Variants in SGIP1 observed in about 807,000 individuals in gnomAD.
The protein encoded by SGIP1 is SH3-containing GRB2-like protein 3-interacting protein 1.
A neutral mutation model predicts 107.5 loss-of-function variants in SGIP1; 38 were observed. That is an observed-to-expected ratio of 0.35 (90% CI 0.27 to 0.46). The LOEUF is 0.46. Ranked by LOEUF, SGIP1 falls within the 20% of genes least tolerant of loss-of-function variation. SGIP1 has a pLI of 1.00. For synonymous variants in SGIP1, 365 were observed against 366.1 expected (o/e 1.00, Z 0.03); for missense variants, 929 against 1,019.5 (o/e 0.91, Z 1.21).
intron 1 of SGIP1, among the ~76,000 whole-genome samples, chr1:66,607,426 T>C (rs2067073091): frequency 1.3e-5 from 2 of 152,206 alleles, no homozygotes; most frequent in Admixed American, 6.5e-5. Context: ...TGGCCCACCA[T>C]TGGCCACTAG....
intron 21 of SGIP1, among the ~76,000 whole-genome samples, chr1:66,737,050 C>T (rs1319262249): frequency 6.6e-6 from 1 of 151,934 alleles, no homozygotes. Flanking sequence ...TAACTTCTTC[C>T]CAAAATATTT....
chr1:66,603,731 C>A (rs2066299992), intron 1 of SGIP1, among the ~76,000 whole-genome samples: 1 of 152,096 alleles, frequency 6.6e-6, no homozygotes. Flanking sequence ...GAAAAAGAGA[C>A]CAATCTAAGT....
intron 1 of SGIP1, among the ~76,000 whole-genome samples, chr1:66,567,617 T>C (rs1181017727): frequency 1.3e-5 from 2 of 152,182 alleles, no homozygotes; most frequent in Non-Finnish European, 2.9e-5. Context: ...GGTTTTCTTC[T>C]AGGGTTTTTA....
At chr1:66,589,319 C>A (rs1189244952) in intron 1 of SGIP1, among the ~76,000 whole-genome samples, 2 of 148,542 alleles carry the variant, frequency 1.3e-5, no homozygotes, top group African/African-American at 5.0e-5. Flanking sequence ...AGGCTAAGAC[C>A]TGCCTATTTT....
rs2094607259 is a variant in SGIP1 at position 66,750,228 on chromosome 1, A to C, written c.*7133A>C. 6.6e-6 allele frequency among the ~76,000 whole-genome samples: 1 copy of C among 152,200 alleles called. No homozygotes were observed. The highest frequency in any genetic ancestry group is 2.1e-4 in the South Asian group (1 of 4,830). On this transcript the variant is annotated 3_prime_UTR_variant, in exon 25 of 25. Coordinates refer to ENST00000371037, the MANE Select transcript of SGIP1 (RefSeq NM_032291.4). Reference sequence around the variant, plus strand: ...TACAGCTGGCTTTTTAAGCTGTTTGAACACTATTGTTTTCGATTAAAAAGA... The same window carrying C: ...TACAGCTGGCTTTTTAAGCTGTTTGCACACTATTGTTTTCGATTAAAAAGA...
chr1:66,706,967 A>G (rs1007132978), intron 18 of SGIP1, among the ~76,000 whole-genome samples: 1 of 152,164 alleles, frequency 6.6e-6, no homozygotes, highest in African/African-American at 2.4e-5. Flanking sequence ...CAAATATGGG[A>G]AAGTATAAAT....
Position 66,739,360 on chromosome 1 carries a change from C to T in SGIP1, c.2057C>T (p.Thr686Ile), listed in dbSNP as rs1174327813. Reference sequence around the variant, plus strand: ...GTGTCTGCCCAGGGCATTCAGTCCACACCTCTGAACCTGGCAGTGAATTGG... The same window carrying T: ...GTGTCTGCCCAGGGCATTCAGTCCATACCTCTGAACCTGGCAGTGAATTGG... The part of the protein sequence containing the change: ...YQVSAQGIQS[T>I]PLNLAVNWRC... The change falls in exon 22 of 25, where the codon ACA (threonine) becomes ATA (isoleucine). Residue 686 changes from threonine (T) to isoleucine (I), a missense_variant. Physicochemically the swap from Thr to Ile is moderately conservative, Grantham distance 89 (BLOSUM62 -1). Around this residue, in one of 2 missense-constraint regions of SGIP1, gnomAD observed 341 missense variants for 430.9 expected, o/e 0.79. Transcript: ENST00000371037. 6.2e-6 allele frequency: 10 copies of T among 1,607,654 alleles called. No homozygotes were observed. The African/African-American group carries it at 1.0e-4, about 16-fold the overall frequency.
At chr1:66,695,200 C>T (rs549542472) in intron 17 of SGIP1, 3 of 794,446 alleles carry the variant, frequency 3.8e-6, no homozygotes, top group East Asian at 5.5e-5. Context: ...ACCACCAACA[C>T]ATTCCCATTC....
At chr1:66,630,953 A>G (rs2074408371) in intron 2 of SGIP1, among the ~76,000 whole-genome samples, 2 of 95,334 alleles carry the variant, frequency 2.1e-5, no homozygotes, top group African/African-American at 4.1e-5. Context: ...GAGAGAAAGA[A>G]AGAGAAAGAA....
chr1:66,600,299 T>G (rs1425756923), intron 1 of SGIP1, among the ~76,000 whole-genome samples: 1 of 152,204 alleles, frequency 6.6e-6, no homozygotes, highest in Non-Finnish European at 1.5e-5. Flanking sequence ...TCAATTTGAA[T>G]AGCTTTCGTT....
At chr1:66,544,438 C>A (rs1045935601) in intron 1 of SGIP1, among the ~76,000 whole-genome samples, 25 of 152,154 alleles carry the variant, frequency 1.6e-4, no homozygotes, top group Non-Finnish European at 1.5e-5. Context: ...GTAATTCCAG[C>A]CCTTAGGGAG....
chr1:66,615,667 T>C (rs986022428), intron 1 of SGIP1, among the ~76,000 whole-genome samples: 1 of 152,324 alleles, frequency 6.6e-6, no homozygotes. Context: ...TTTGATGAAT[T>C]ACAATTCAAT....
chr1:66,660,297 A>T, intron 7 of SGIP1: 1 of 566,224 alleles, frequency 1.8e-6, no homozygotes, highest in Non-Finnish European at 3.1e-6. Context: ...TCAGATGCCC[A>T]GATGAAGTCC....
chr1:66,634,153 C>G, intron 3 of SGIP1: 1 of 1,609,784 alleles, frequency 6.2e-7, no homozygotes, highest in Non-Finnish European at 8.5e-7. Flanking sequence ...CTCTCGTTAA[C>G]TCTGTCTCAG....
At chr1:66,642,893 T>C in intron 6 of SGIP1, 29 bp downstream of exon 6, 1 of 1,568,812 alleles carries the variant, frequency 6.4e-7, no homozygotes, top group Non-Finnish European at 8.7e-7. Context: ...TTTATTTTAA[T>C]TTTCATTCAC....
chr1:66,741,771 A>ATT (rs71590351), intron 24 of SGIP1, among the ~76,000 whole-genome samples: 4,328 of 146,800 alleles, frequency 0.029, 134 homozygotes, highest in Admixed American at 0.076. Flanking sequence ...ATTTTTATTT[A>ATT]TTTTTTTTTT....
chr1:66,555,740 T>A (rs1337717230), intron 1 of SGIP1, among the ~76,000 whole-genome samples: 1 of 152,108 alleles, frequency 6.6e-6, no homozygotes, highest in Non-Finnish European at 1.5e-5. Flanking sequence ...CCTGGATGAA[T>A]CCTAGCTCTG....
chr1:66,682,047 A>G lies in SGIP1; in HGVS notation c.993A>G (p.Glu331=), dbSNP rs753775071. The change falls in exon 15 of 25, where the codon GAA becomes GAG. Residue 331 remains glutamate (E), a synonymous_variant. Coordinates refer to ENST00000371037, the MANE Select transcript of SGIP1 (RefSeq NM_032291.4). ...EHVTPELTPR[E]KVVSPPATPD... ...TTACTCCGGAGTTGACTCCAAGGGA[A>G]AAAGTGGTGTCCCCACCAGCTACAC... The G allele has an allele frequency of 8.7e-6, 14 of 1,614,068 alleles. No homozygotes were observed. The highest frequency in any genetic ancestry group is 2.7e-5 in the African/African-American group (2 of 74,934).
intron 1 of SGIP1, among the ~76,000 whole-genome samples, chr1:66,594,057 A>G (rs1291696347): frequency 6.6e-6 from 1 of 152,206 alleles, no homozygotes; most frequent in Non-Finnish European, 1.5e-5. Flanking sequence ...TTCTTTCTTC[A>G]CAACTTAAAG....
Sources: gnomAD v4.1 joint callset for allele counts (sites outside exome capture counted in the v4.1 genomes callset) on GRCh38, gnomAD v4.1.1 for gene constraint, gnomAD v4.1.1 regional missense constraint, MANE v1.5 for transcripts, NCBI Gene and HGNC (gene_info 2026-07-23, HGNC 2026-07-21) for gene names.